The following CUL5 variants were observed in gnomAD, a reference collection of about 807,000 sequenced individuals.
The protein encoded by CUL5 is cullin 5.
In CUL5, 26 loss-of-function variants were observed where a neutral mutation model predicts 108.8. The observed-to-expected ratio is 0.24, with a 90% CI of 0.18 to 0.33. CUL5 has a LOEUF of 0.33. CUL5 is among the 10% of genes least tolerant of loss of function. The pLI is 1.00. For missense variants in CUL5, 524 were observed against 909.2 expected (o/e 0.58, Z 5.45); for synonymous variants, 334 against 298.0 (o/e 1.12, Z -1.25).
In CUL5 at chr11:108,009,187, G is replaced by A. The variant is rs1861992959; in HGVS notation, c.-162G>A. Reference sequence around the variant, plus strand: ...AAGAGTGAGGAAGCTCCTGGTGCTTGGGACGAGGTCAGCGCTGTCGGCGCG... The same window carrying A: ...AAGAGTGAGGAAGCTCCTGGTGCTTAGGACGAGGTCAGCGCTGTCGGCGCG... On this transcript the variant is annotated 5_prime_UTR_variant, in exon 1 of 19. The change creates a premature stop within an existing upstream ORF in the 5' untranslated region. Coordinates refer to ENST00000393094, the MANE Select transcript of CUL5 (RefSeq NM_003478.6). The A allele has an allele frequency of 1.5e-6, 1 of 675,960 alleles. No individual in the cohort carries two copies. The highest frequency in any genetic ancestry group is 2.8e-5 in the Admixed American group (1 of 35,442). The allele number at this position is 675,960 out of a possible 1,614,324, so 41.9% of individuals were successfully genotyped here.
intron 7 of CUL5, among the ~76,000 whole-genome samples, chr11:108,058,106 G>A (rs945009673): frequency 6.7e-6 from 1 of 150,238 alleles, no homozygotes; most frequent in African/African-American, 2.4e-5. Flanking sequence ...CTACTCAGGA[G>A]GCTGAGGCAG....
intron 7 of CUL5, among the ~76,000 whole-genome samples, chr11:108,061,371 A>G (rs1022787747): frequency 1.3e-5 from 2 of 152,226 alleles, no homozygotes; most frequent in Non-Finnish European, 2.9e-5. Flanking sequence ...AATTCTATCT[A>G]GCAATCTCCC....
intron 1 of CUL5, among the ~76,000 whole-genome samples, chr11:108,031,416 T>A (rs1862580524): frequency 1.3e-5 from 2 of 152,012 alleles, no homozygotes; most frequent in African/African-American, 4.8e-5. Flanking sequence ...GCTGGTGTAC[T>A]AGAAAGTTAG....
chr11:108,025,485 G>T (rs759289020), intron 1 of CUL5, among the ~76,000 whole-genome samples: 1 of 152,082 alleles, frequency 6.6e-6, no homozygotes, highest in East Asian at 1.9e-4. Flanking sequence ...TTTAAGTTTC[G>T]TTAGAGTGTG....
chr11:108,068,854 G>A (rs554814929), intron 7 of CUL5, among the ~76,000 whole-genome samples: 11 of 152,168 alleles, frequency 7.2e-5, no homozygotes, highest in African/African-American at 2.4e-4. Context: ...CAACAGCCTC[G>A]TTACCATATC....
At chr11:108,079,009 G>A (rs932282317) in intron 11 of CUL5, among the ~76,000 whole-genome samples, 1 of 152,098 alleles carries the variant, frequency 6.6e-6, no homozygotes, top group Non-Finnish European at 1.5e-5. Flanking sequence ...TGAAATATGT[G>A]AAACATATAG....
At chr11:108,077,606 G>C (rs1263121471) in intron 10 of CUL5, among the ~76,000 whole-genome samples, 2 of 69,286 alleles carry the variant, frequency 2.9e-5, no homozygotes, top group East Asian at 3.0e-3. Flanking sequence ...ACTGCAGCCT[G>C]GGCAACGAGT....
intron 12 of CUL5, 126 bp downstream of exon 12, chr11:108,088,785 A>T: frequency 1.4e-6 from 1 of 712,878 alleles, no homozygotes; most frequent in Non-Finnish European, 2.1e-6. Context: ...AATGTTACGA[A>T]GATTTGCAGT....
intron 18 of CUL5, among the ~76,000 whole-genome samples, chr11:108,101,299 T>C (rs900343326): frequency 6.6e-6 from 1 of 152,264 alleles, no homozygotes; most frequent in African/African-American, 2.4e-5. Context: ...GTCATATCTA[T>C]GCAGTTATGA....
chr11:108,008,957 G>A lies in CUL5; in HGVS notation c.-392G>A, dbSNP rs1252740658. 4.7e-6 allele frequency: 1 copy of A among 211,498 alleles called. No homozygotes were observed. The highest frequency in any genetic ancestry group is 9.5e-6 in the Non-Finnish European group (1 of 105,326). The allele number at this position is 211,498 out of a possible 1,614,324, so 13.1% of individuals were successfully genotyped here. A position where few individuals can be genotyped will look rare whatever the true frequency, so the allele number is the denominator to read the frequency against. ...GCGGAACCTGAGCTGCGGGGCCTAAGCCGAGCTAAATTCGTTGCAGGTGGC... is the reference window on the plus strand; with the variant it reads ...GCGGAACCTGAGCTGCGGGGCCTAAACCGAGCTAAATTCGTTGCAGGTGGC... On this transcript the variant is annotated 5_prime_UTR_variant, in exon 1 of 19. Transcript: ENST00000393094.
At chr11:108,089,765 C>T (rs763709282) in intron 13 of CUL5, 142 bp downstream of exon 13, 184 of 485,124 alleles carry the variant, frequency 3.8e-4, no homozygotes, top group Middle Eastern at 2.2e-3. Flanking sequence ...TTAGGCCGGG[C>T]GCACTGGCTC....
In CUL5 at chr11:108,054,663, T is replaced by C. The variant is rs966857348; in HGVS notation, c.570T>C (p.Asn190=). The C allele has an allele frequency of 1.3e-6, 2 of 1,589,180 alleles. No homozygotes were observed. The highest frequency in any genetic ancestry group is 2.7e-5 in the African/African-American group (2 of 74,224). Residue 190 remains asparagine, a synonymous_variant, in exon 6 of 19, where the codon AAT becomes AAC. Transcript: ENST00000393094. ...VRESYVNLCS[N]PEDKLQIYRD... ...GTTTTTCAGTTAACCTTTGTTCTAA[T>C]CCTGAGGATAAACTTCAAATTTATA...
chr11:108,053,969 C>T (rs1863308078), intron 5 of CUL5, among the ~76,000 whole-genome samples: 1 of 152,126 alleles, frequency 6.6e-6, no homozygotes, highest in East Asian at 1.9e-4. Context: ...CCTCAGCCTC[C>T]AGAATAGCTG....
At chr11:108,038,538 G>A (rs963801372) in intron 2 of CUL5, among the ~76,000 whole-genome samples, 8 of 151,968 alleles carry the variant, frequency 5.3e-5, no homozygotes, top group African/African-American at 1.7e-4. Flanking sequence ...ACCTGAGTGC[G>A]GTGGTGGGCC....
At position 108,049,931 on chromosome 11, in the gene CUL5, A is replaced by T; in HGVS notation, c.276A>T (p.Ala92=). The change falls in exon 4 of 19, where the codon GCA becomes GCT. Residue 92 remains alanine, a synonymous_variant. Transcript: ENST00000393094. ...SHQDDTALLK[A]YIVEWRKFFT... is the part of the protein sequence containing the mutation. ...AAGATGATACGGCTTTGCTAAAAGCATATATTGTTGAATGGCGAAAGTTCT... is the reference window on the plus strand; with the variant it reads ...AAGATGATACGGCTTTGCTAAAAGCTTATATTGTTGAATGGCGAAAGTTCT... 6.2e-7 allele frequency: 1 copy of T among 1,613,822 alleles called. No individual in the cohort carries two copies.
At chr11:108,028,042 A>G (rs1862493646) in intron 1 of CUL5, among the ~76,000 whole-genome samples, 1 of 152,078 alleles carries the variant, frequency 6.6e-6, no homozygotes, top group Non-Finnish European at 1.5e-5. Flanking sequence ...TTTATGTATC[A>G]CTTCTCTCAC....
chr11:108,101,329 T>A (rs1182685959), intron 18 of CUL5, among the ~76,000 whole-genome samples: 3 of 152,248 alleles, frequency 2.0e-5, no homozygotes, highest in Non-Finnish European at 4.4e-5. Flanking sequence ...GGATTCTTGC[T>A]TTTGGCAGCT....
intron 2 of CUL5, among the ~76,000 whole-genome samples, chr11:108,035,122 C>T (rs929576999): frequency 1.3e-5 from 2 of 152,096 alleles, no homozygotes; most frequent in African/African-American, 2.4e-5. Flanking sequence ...GTAACCAATC[C>T]AGAAAGGCAA....
intron 4 of CUL5, among the ~76,000 whole-genome samples, chr11:108,052,376 G>A (rs903743837): frequency 6.6e-6 from 1 of 152,064 alleles, no homozygotes; most frequent in Non-Finnish European, 1.5e-5. Context: ...GGGCAGTGGC[G>A]TGGTCTCGGC....
Sources: gnomAD v4.1 joint callset for allele counts (sites outside exome capture counted in the v4.1 genomes callset) on GRCh38, gnomAD v4.1.1 for gene constraint, MANE v1.5 for transcripts, NCBI Gene and HGNC (gene_info 2026-07-23, HGNC 2026-07-21) for gene names.